Variants in KCNIP4 observed in about 807,000 individuals in gnomAD.
KCNIP4 encodes Kv channel-interacting protein 4.
A neutral mutation model predicts 34.0 loss-of-function variants in KCNIP4; 12 were observed. The ratio of observed to expected loss-of-function variants is 0.35; its 90% CI spans 0.23 to 0.57. The LOEUF is 0.57. Among genes scored for constraint, KCNIP4 ranks in the 20% least tolerant of loss-of-function variants. KCNIP4 has a pLI of 0.83. For missense variants in KCNIP4, 238 were observed against 311.7 expected (o/e 0.76, Z 1.78); for synonymous variants, 124 against 102.2 (o/e 1.21, Z -1.29).
intron 1 of KCNIP4, among the ~76,000 whole-genome samples, chr4:20,983,113 C>G (rs1736245407): frequency 6.6e-6 from 1 of 152,126 alleles, no homozygotes; most frequent in Admixed American, 6.5e-5. Flanking sequence ...CTTCTTAAAA[C>G]TCTCCAATCT....
chr4:21,913,258 C>T (rs367745343), intron 1 of KCNIP4, among the ~76,000 whole-genome samples: 3 of 151,882 alleles, frequency 2.0e-5, no homozygotes, highest in Non-Finnish European at 2.9e-5. Flanking sequence ...GAGGATTTCT[C>T]GAGTCCAGGA....
Position 21,684,688 on chromosome 4 carries a change from C to T in KCNIP4, c.61+263883G>A, listed in dbSNP as rs929464403. On this transcript the variant is annotated intron_variant, in intron 1 of 8. Transcript: ENST00000382152. The stretch of plus-strand genomic sequence containing the variant: ...CAAACTTTTTAAAATTATTATTATA[C>T]TTTAAGTTCTAGGGTACATGTGCAC... 3.9e-5 allele frequency among the ~76,000 whole-genome samples: 6 copies of T among 152,130 alleles called. No homozygotes were observed. In the East Asian group the frequency reaches 1.2e-3, roughly 29 times the overall value.
At chr4:21,948,533 G>A in intron 1 of KCNIP4, 38 bp downstream of exon 1, 5 of 1,596,894 alleles carry the variant, frequency 3.1e-6, no homozygotes, top group Non-Finnish European at 4.3e-6. Flanking sequence ...GAAGGAGGGC[G>A]GAAGCGGGCG....
chr4:20,855,665 A>AC (rs1277161457), intron 2 of KCNIP4, among the ~76,000 whole-genome samples: 1 of 140,596 alleles, frequency 7.1e-6, no homozygotes, highest in East Asian at 2.1e-4. Flanking sequence ...CAAGGAGTTT[A>AC]CAAAAAAAAA....
chr4:21,637,844 C>G (rs901196214), intron 1 of KCNIP4, among the ~76,000 whole-genome samples: 8 of 151,256 alleles, frequency 5.3e-5, no homozygotes, highest in Non-Finnish European at 1.2e-4. Flanking sequence ...AGGAGCTTGC[C>G]TAATCACACA....
chr4:21,500,349 G>T (rs1228042178), intron 1 of KCNIP4, among the ~76,000 whole-genome samples: 1 of 152,012 alleles, frequency 6.6e-6, no homozygotes, highest in East Asian at 1.9e-4. Flanking sequence ...GAGTCAAATG[G>T]CCTGGGTCTT....
intron 1 of KCNIP4, among the ~76,000 whole-genome samples, chr4:21,079,647 C>T (rs1745826491): frequency 1.3e-5 from 2 of 151,750 alleles, no homozygotes; most frequent in African/African-American, 4.9e-5. Context: ...TGTTATGTTA[C>T]ATATCAAGGG....
intron 1 of KCNIP4, among the ~76,000 whole-genome samples, chr4:21,623,623 C>T (rs1382498620): frequency 6.6e-6 from 1 of 152,136 alleles, no homozygotes; most frequent in Non-Finnish European, 1.5e-5. Flanking sequence ...AAGTTCTTTT[C>T]AATTAGTTAT....
At chr4:21,856,557 G>A (rs1044428360) in intron 1 of KCNIP4, among the ~76,000 whole-genome samples, 3 of 152,174 alleles carry the variant, frequency 2.0e-5, no homozygotes, top group Admixed American at 2.0e-4. Context: ...CACTCCCCAG[G>A]TGCAGCTGTG....
At chr4:20,899,996 T>G (rs1197799113) in intron 1 of KCNIP4, among the ~76,000 whole-genome samples, 2 of 152,306 alleles carry the variant, frequency 1.3e-5, no homozygotes, top group East Asian at 3.9e-4. Flanking sequence ...ACTTATTAAG[T>G]CTGCCCTGAT....
intron 1 of KCNIP4, among the ~76,000 whole-genome samples, chr4:21,231,570 G>C (rs1346332320): frequency 1.3e-5 from 2 of 152,008 alleles, no homozygotes; most frequent in Admixed American, 6.6e-5. Flanking sequence ...CCTTGGTATT[G>C]GGTTGGCTCT....
intron 1 of KCNIP4, among the ~76,000 whole-genome samples, chr4:21,600,585 C>T (rs185325334): frequency 2.0e-5 from 3 of 152,168 alleles, no homozygotes; most frequent in East Asian, 3.9e-4. Flanking sequence ...GTTATCATTT[C>T]TCCTATCTAA....
intron 1 of KCNIP4, among the ~76,000 whole-genome samples, chr4:21,526,894 G>A (rs1736016885): frequency 6.6e-6 from 1 of 152,192 alleles, no homozygotes; most frequent in African/African-American, 2.4e-5. Flanking sequence ...CCTGGGCAAT[G>A]TGAGGAAATG....
chr4:21,639,242 T>C (rs1291282160), intron 1 of KCNIP4, among the ~76,000 whole-genome samples: 1 of 152,172 alleles, frequency 6.6e-6, no homozygotes, highest in African/African-American at 2.4e-5. Flanking sequence ...GGAAATGCAA[T>C]CTATTAGACT....
At chr4:21,217,280 T>A in intron 1 of KCNIP4, among the ~76,000 whole-genome samples, 1 of 152,184 alleles carries the variant, frequency 6.6e-6, no homozygotes, top group African/African-American at 2.4e-5. Context: ...TAAGAGTTGC[T>A]ACCATTTATT....
At chr4:20,959,418 C>T (rs1417588008) in intron 1 of KCNIP4, among the ~76,000 whole-genome samples, 1 of 152,096 alleles carries the variant, frequency 6.6e-6, no homozygotes, top group East Asian at 1.9e-4. Context: ...TAAGGCTTGG[C>T]CCCAAAATGC....
intron 1 of KCNIP4, among the ~76,000 whole-genome samples, chr4:20,926,004 G>A (rs572702221): frequency 3.3e-5 from 5 of 152,168 alleles, no homozygotes; most frequent in African/African-American, 7.2e-5. Context: ...GGTCACATAG[G>A]TGCTCTCTGC....
intron 1 of KCNIP4, among the ~76,000 whole-genome samples, chr4:20,962,217 A>C: frequency 6.6e-6 from 1 of 151,612 alleles, no homozygotes; most frequent in Non-Finnish European, 1.5e-5. Context: ...GGGCAGGACC[A>C]CTCTCCCCTA....
chr4:21,151,828 C>A (rs1752778109), intron 1 of KCNIP4, among the ~76,000 whole-genome samples: 1 of 152,054 alleles, frequency 6.6e-6, no homozygotes, highest in Non-Finnish European at 1.5e-5. Flanking sequence ...CTGAAAAGTT[C>A]TCCTTGCACA....
Sources: gnomAD v4.1 joint callset for allele counts (sites outside exome capture counted in the v4.1 genomes callset) on GRCh38, gnomAD v4.1.1 for gene constraint, MANE v1.5 for transcripts, NCBI Gene and HGNC (gene_info 2026-07-23, HGNC 2026-07-21) for gene names.